The following BRCA2 variants were observed in gnomAD, a reference collection of about 807,000 sequenced individuals.
The protein encoded by BRCA2 is BRCA2 DNA repair associated.
Under a neutral mutation model 276.7 loss-of-function variants are expected in BRCA2, and 203 were observed. That is an observed-to-expected ratio of 0.73 (90% confidence interval 0.65 to 0.82). The LOEUF (loss-of-function observed/expected upper bound fraction) is 0.82. Among genes scored for constraint, BRCA2 ranks in the 40% least tolerant of loss-of-function variants. The probability of loss-of-function intolerance (pLI) is 0.00; values close to 1 mark genes in which losing one functional copy is unlikely to be tolerated. For synonymous variants in BRCA2, 1,289 were observed against 1,338.4 expected (o/e 0.96, Z 0.81); for missense variants, 3,920 against 3,915.0 (o/e 1.00, Z -0.03).
rs141528021 is a variant in BRCA2 at position 32,367,262 on chromosome 13, C to T, written c.8332-3140C>T. On this transcript the variant is annotated intron_variant, in intron 18 of 26. Coordinates refer to ENST00000380152, the MANE Select transcript of BRCA2 (RefSeq NM_000059.4). ...CCAGCCTGGCCAACATGGTGAAACC[C>T]CTTCTCTACTAAAAAATACAAAAAT... is the stretch of plus-strand genomic sequence containing the variant. Among the ~76,000 whole-genome samples the T allele has an allele frequency of 4.5e-3, 690 of 152,130 alleles. 1 individual carries two copies. Among genetic ancestry groups the T allele is most frequent in the Non-Finnish European group, 7.9e-3 (537 of 68,004 alleles).
Position 32,398,989 on chromosome 13 carries a change from A to T in BRCA2, c.*219A>T. On this transcript the variant is annotated 3_prime_UTR_variant, in exon 27 of 27. Coordinates refer to ENST00000380152, the MANE Select transcript of BRCA2 (RefSeq NM_000059.4). ...GTTGCATATCTTAAAACTAAATGTA[A>T]TTTATTAACTAATCAAGAAAAACAT... 1 of 532,246 alleles carries T rather than the reference A, an allele frequency of 1.9e-6. No individual in the cohort carries two copies. The highest frequency in any genetic ancestry group is 3.2e-6 in the Non-Finnish European group (1 of 312,804). The allele number at this position is 532,246 out of a possible 1,614,324, so 33.0% of individuals were successfully genotyped here.
chr13:32,388,262 G>A (rs764974822), intron 24 of BRCA2, among the ~76,000 whole-genome samples: 1 of 152,000 alleles, frequency 6.6e-6, no homozygotes, highest in African/African-American at 2.4e-5. Flanking sequence ...GGGACGACAG[G>A]CACGTGCCAC....
At chr13:32,343,255 A>T (rs1263589121) in intron 11 of BRCA2, among the ~76,000 whole-genome samples, 1 of 152,148 alleles carries the variant, frequency 6.6e-6, no homozygotes, top group African/African-American at 2.4e-5. Flanking sequence ...ATAATCTTAA[A>T]TAATTGAATC....
Position 32,341,190 on chromosome 13 carries a change from T to C in BRCA2, c.6835T>C (p.Leu2279=). 1 of 1,613,944 alleles carries C rather than the reference T, an allele frequency of 6.2e-7. No homozygotes were observed. Among genetic ancestry groups the C allele is most frequent in the East Asian group, 2.2e-5 (1 of 44,808 alleles). The change falls in exon 11 of 27, where the codon TTA becomes CTA. Residue 2279 remains leucine (L), a synonymous_variant. Coordinates refer to ENST00000380152, the MANE Select transcript of BRCA2 (RefSeq NM_000059.4). ...AAAAAGAAGAGGAGAGCCCCTTATC[T>C]TAGTGGGTAAGTGTTCATTTTTACC... ...IGKRRGEPLI[L]VGEPSIKRNL...
intron 26 of BRCA2, 44 bp downstream of exon 26, chr13:32,397,088 G>A (rs891545949): frequency 6.3e-7 from 1 of 1,579,774 alleles, no homozygotes; most frequent in Non-Finnish European, 8.7e-7. Flanking sequence ...AAGTATATAT[G>A]GAGGCCATCG....
At position 32,339,572 on chromosome 13, in the gene BRCA2, T is replaced by C. The variant is rs80358746; in HGVS notation, c.5217T>C (p.Tyr1739=). 6.2e-6 allele frequency: 10 copies of C among 1,609,076 alleles called. No homozygotes were observed. Among genetic ancestry groups the C allele is most frequent in the South Asian group, 1.1e-5 (1 of 90,450 alleles). ...KNHLSEKQDT[Y]LSNSSMSNSY... ...ATCTCTCCGAAAAACAAGATACTTATTTAAGTAACAGTAGCATGTCTAACA... is the reference window on the plus strand; with the variant it reads ...ATCTCTCCGAAAAACAAGATACTTACTTAAGTAACAGTAGCATGTCTAACA... The change falls in exon 11 of 27, where the codon TAT becomes TAC. Residue 1739 remains tyrosine, a synonymous_variant. Transcript: ENST00000380152.
At chr13:32,315,775 T>G (rs1327869413) in intron 1 of BRCA2, 108 bp downstream of exon 1, 1 of 153,128 alleles carries the variant, frequency 6.5e-6, no homozygotes, top group Non-Finnish European at 1.5e-5. Flanking sequence ...CTTCTTGCCC[T>G]TTTGTCTCTG....
intron 25 of BRCA2, chr13:32,395,960 CTTTTTTTTTTTTTTTTT>C (rs397838402): frequency 2.5e-5 from 2 of 79,200 alleles, no homozygotes; most frequent in East Asian, 5.2e-4. Context: ...TTCTTTCTTT[CTTTTTTTTTTTTTTTTT>C]TTTTTTTTTT....
chr13:32,382,546 A>G (rs901476598), intron 24 of BRCA2, among the ~76,000 whole-genome samples: 6 of 152,230 alleles, frequency 3.9e-5, no homozygotes, highest in Admixed American at 6.5e-5. Context: ...AGTGAGGACC[A>G]AGAATTGATC....
At chr13:32,315,937 C>T (rs2072253631) in intron 1 of BRCA2, among the ~76,000 whole-genome samples, 1 of 152,230 alleles carries the variant, frequency 6.6e-6, no homozygotes, top group African/African-American at 2.4e-5. Context: ...AACTTCCCTC[C>T]CAGCTGTCCC....
chr13:32,379,898 G>T lies in BRCA2; in HGVS notation c.9102G>T (p.Gln3034His). ...NIQLAATKKT[Q>H]YQQLPVSDEI... is the part of the protein sequence containing the mutation. ...AGTTAGCAGCGACAAAAAAAACTCA[G>T]TATCAACAACTACCGGTACAAACCT... is the stretch of plus-strand genomic sequence containing the variant. The change falls in exon 23 of 27, where the codon CAG becomes CAT. Residue 3034 changes from glutamine to histidine, a missense_variant. Gln to His is a conservative substitution (Grantham distance 24). Around this residue, in one of 2 missense-constraint regions of BRCA2, gnomAD observed 657 missense variants for 758.2 expected, o/e 0.87. Coordinates refer to ENST00000380152, the MANE Select transcript of BRCA2 (RefSeq NM_000059.4). 6.2e-7 allele frequency: 1 copy of T among 1,613,712 alleles called. No homozygotes were observed. Among genetic ancestry groups the T allele is most frequent in the Non-Finnish European group, 8.5e-7 (1 of 1,179,750 alleles).
rs765689636 is a variant in BRCA2 at position 32,355,084 on chromosome 13, A to G, written c.7231A>G (p.Lys2411Glu). The G allele has an allele frequency of 1.9e-6, 3 of 1,613,972 alleles. No homozygotes were observed. In the South Asian group the frequency reaches 3.3e-5, roughly 18 times the overall value. Reference protein sequence around the residue: ...RPTKVFVPPFKTKSHFHRVEQ... With the variant: ...RPTKVFVPPFETKSHFHRVEQ... ...AACCAAAGTCTTTGTTCCACCTTTT[A>G]AAACTAAATCACATTTTCACAGAGT... Residue 2411 changes from lysine to glutamate, a missense_variant, in exon 14 of 27, where the codon AAA (lysine) becomes GAA (glutamate). Transcript: ENST00000380152.
intron 16 of BRCA2, 144 bp from the exon 17 acceptor site, chr13:32,362,379 G>C (rs991959785): frequency 2.5e-6 from 2 of 791,340 alleles, no homozygotes; most frequent in African/African-American, 3.5e-5. Context: ...ATAATTTTCT[G>C]AAATTATATT....
At chr13:32,379,272 T>C (rs1358089686) in intron 21 of BRCA2, 45 bp from the exon 22 acceptor site, 1 of 1,604,846 alleles carries the variant, frequency 6.2e-7, no homozygotes, top group East Asian at 2.2e-5. Flanking sequence ...GATGGAACTT[T>C]TTTGTTCTGA....
chr13:32,320,272 T>C (rs1312413270), intron 3 of BRCA2, among the ~76,000 whole-genome samples: 3 of 152,250 alleles, frequency 2.0e-5, no homozygotes, highest in African/African-American at 7.2e-5. Context: ...ATGCTACTTA[T>C]TGTGTCAAAC....
chr13:32,388,411 G>T (rs2072976014), intron 24 of BRCA2, among the ~76,000 whole-genome samples: 1 of 152,138 alleles, frequency 6.6e-6, no homozygotes, highest in Non-Finnish European at 1.5e-5. Context: ...GAGCCACTAT[G>T]CCCAGCGTGT....
At chr13:32,331,893 AT>A (rs1593890927) in intron 9 of BRCA2, among the ~76,000 whole-genome samples, 2 of 152,260 alleles carry the variant, frequency 1.3e-5, no homozygotes, top group South Asian at 4.1e-4. Flanking sequence ...GTAAAATCAG[AT>A]TTACCCTTGT....
rs56111359 is a variant in BRCA2 at position 32,398,329 on chromosome 13, T to G, written c.9816T>G (p.Asp3272Glu). The change falls in exon 27 of 27, where the codon GAT becomes GAG. Residue 3272 changes from aspartate to glutamate, a missense_variant. Physicochemically the swap from Asp to Glu is conservative, Grantham distance 45. Transcript: ENST00000380152. Reference protein sequence around the residue: ...QKNCKKRRALDFLSRLPLPPP... With the variant: ...QKNCKKRRALEFLSRLPLPPP... ...ACTGCAAAAAGAGAAGAGCCTTGGATTTCTTGAGTAGACTGCCTTTACCTC... is the reference window on the plus strand; with the variant it reads ...ACTGCAAAAAGAGAAGAGCCTTGGAGTTCTTGAGTAGACTGCCTTTACCTC... The G allele has an allele frequency of 6.2e-7, 1 of 1,614,176 alleles. No homozygotes were observed. The highest frequency in any genetic ancestry group is 8.5e-7 in the Non-Finnish European group (1 of 1,180,034).
At chr13:32,324,341 T>A (rs1025425680) in intron 3 of BRCA2, among the ~76,000 whole-genome samples, 1 of 152,174 alleles carries the variant, frequency 6.6e-6, no homozygotes, top group Non-Finnish European at 1.5e-5. Flanking sequence ...TCCTAGAGGT[T>A]AAAGAAAACA....
Sources: allele counts gnomAD v4.1 joint callset (sites outside exome capture counted in the v4.1 genomes callset), GRCh38; gene constraint gnomAD v4.1.1; regional missense constraint gnomAD v4.1.1; transcripts MANE v1.5; gene names NCBI Gene and HGNC (gene_info 2026-07-23, HGNC 2026-07-21).